The following USH2A variants were observed in gnomAD, a reference collection of about 807,000 sequenced individuals.
USH2A encodes Usher syndrome 2A (autosomal recessive, mild).
In USH2A, 443 loss-of-function variants were observed where a neutral mutation model predicts 538.9. That is an observed-to-expected ratio of 0.82 (90% confidence interval 0.76 to 0.89). The LOEUF is 0.89. Ranked by LOEUF, USH2A falls within the 40% of genes least tolerant of loss-of-function variation. USH2A has a pLI of 0.00. For synonymous variants in USH2A, 2,413 were observed against 2,273.5 expected, an observed-to-expected ratio of 1.06 and a Z score of -1.75; for missense variants, 6,633 against 6,324.8, an observed-to-expected ratio of 1.05 and a Z score of -1.65.
chr1:216,048,563 T>G lies in USH2A; in HGVS notation c.6134A>C (p.His2045Pro), dbSNP rs111033514. ...CTLAGCTESS[H>P]ALNISTPQEA... ...TTGTGGAGTAGAGATGTTCAATGCATGTGAGCTCTCAGTACAGCCAGCCAA... is the reference window on the plus strand; with the variant it reads ...TTGTGGAGTAGAGATGTTCAATGCAGGTGAGCTCTCAGTACAGCCAGCCAA... The change falls in exon 31 of 72, where the codon CAT (histidine) becomes CCT (proline). Residue 2045 changes from histidine (H) to proline (P), a missense_variant. Physicochemically the swap from His to Pro is moderately conservative, Grantham distance 77. Coordinates refer to ENST00000307340, the MANE Select transcript of USH2A (RefSeq NM_206933.4). 2 of 1,613,990 alleles carry G rather than the reference T, an allele frequency of 1.2e-6. No individual in the cohort carries two copies. Among genetic ancestry groups the G allele is most frequent in the African/African-American group, 1.3e-5 (1 of 74,918 alleles).
intron 20 of USH2A, among the ~76,000 whole-genome samples, chr1:216,185,327 G>GA (rs1184626925): frequency 1.3e-5 from 2 of 151,748 alleles, no homozygotes; most frequent in African/African-American, 4.8e-5. Context: ...ATATTTAATT[G>GA]AAAAAATGTT....
At chr1:216,095,308 A>C (rs554886050) in intron 22 of USH2A, among the ~76,000 whole-genome samples, 21 of 152,172 alleles carry the variant, frequency 1.4e-4, no homozygotes, top group African/African-American at 4.3e-4. Context: ...CTTCAACTTA[A>C]TCTTCTGACC....
chr1:215,644,309 T>A (rs1656780225), intron 67 of USH2A, among the ~76,000 whole-genome samples: 1 of 152,072 alleles, frequency 6.6e-6, no homozygotes, highest in African/African-American at 2.4e-5. Flanking sequence ...TATGAGAAAT[T>A]CAGAGGGAGA....
At chr1:215,627,445 C>CT (rs1656087667) in intron 71 of USH2A, among the ~76,000 whole-genome samples, 1 of 78,714 alleles carries the variant, frequency 1.3e-5, no homozygotes, top group Admixed American at 1.4e-4. Context: ...TCCTTCCTTC[C>CT]TTCCTTCCTT....
intron 71 of USH2A, among the ~76,000 whole-genome samples, chr1:215,628,358 C>T (rs754387737): frequency 2.3e-4 from 35 of 152,124 alleles, no homozygotes; most frequent in Non-Finnish European, 4.7e-4. Flanking sequence ...TCTCGGCTCA[C>T]TGCAACCTCC....
chr1:215,895,219 ACT>A (rs775038153), intron 40 of USH2A, among the ~76,000 whole-genome samples: 1 of 152,144 alleles, frequency 6.6e-6, no homozygotes, highest in Non-Finnish European at 1.5e-5. Context: ...CTTCAATCAA[ACT>A]CTGCTTTTAA....
chr1:215,907,118 T>C (rs1665659279), intron 38 of USH2A, among the ~76,000 whole-genome samples: 1 of 151,924 alleles, frequency 6.6e-6, no homozygotes, highest in South Asian at 2.1e-4. Flanking sequence ...ATTGTATGGG[T>C]TCTACAAAAC....
At chr1:216,038,647 G>T (rs12025483) in intron 32 of USH2A, among the ~76,000 whole-genome samples, 9,609 of 151,898 alleles carry the variant, frequency 0.063, 408 homozygotes, top group South Asian at 0.09. Flanking sequence ...TCTTGTTTTG[G>T]GTACAGATTC....
At chr1:216,219,775 G>C (rs900085489) in intron 14 of USH2A, among the ~76,000 whole-genome samples, 2 of 152,146 alleles carry the variant, frequency 1.3e-5, no homozygotes, top group Non-Finnish European at 2.9e-5. Flanking sequence ...GGAAAACCTC[G>C]CTTGCTAAAT....
chr1:215,799,153 T>C (rs770222129), intron 49 of USH2A, 28 bp from the exon 50 acceptor site: 3 of 1,594,146 alleles, frequency 1.9e-6, no homozygotes, highest in South Asian at 2.2e-5. Flanking sequence ...TAATAATCAT[T>C]ACATCAGTTA....
In USH2A at chr1:216,256,883, C is replaced by A. The variant is rs193177570; in HGVS notation, c.1972-5785G>T. Among the ~76,000 whole-genome samples the A allele has an allele frequency of 3.2e-3, 488 of 152,026 alleles. 2 individuals carry two copies. Among genetic ancestry groups the A allele is most frequent in the African/African-American group, 0.011 (463 of 41,534 alleles). On this transcript the variant is annotated intron_variant, in intron 11 of 71. Coordinates refer to ENST00000307340, the MANE Select transcript of USH2A (RefSeq NM_206933.4). ...AAGCTTTTGGAGAGTCAAAATTAAA[C>A]TTGAATTTTTGACTGTGCAGGGAAT...
At chr1:216,102,568 G>A (rs1469488629) in intron 21 of USH2A, among the ~76,000 whole-genome samples, 2 of 152,122 alleles carry the variant, frequency 1.3e-5, no homozygotes, top group African/African-American at 4.8e-5. Flanking sequence ...GGGAGGCCGA[G>A]GCAGGCGGAT....
At position 216,000,408 on chromosome 1, in the gene USH2A, G is replaced by A. The variant is rs763185895; in HGVS notation, c.6480C>T (p.His2160=). ...GAGACAACATTTCTACTTACTGTATGTGTATAGTTCTAGAATCCAGGACAG... is the reference window on the plus strand; with the variant it reads ...GAGACAACATTTCTACTTACTGTATATGTATAGTTCTAGAATCCAGGACAG... ...VLTVLDSRTI[H]IQWKQPRKIS... Residue 2160 remains histidine (H), a synonymous_variant, in exon 33 of 72, where the codon CAC becomes CAT. Coordinates refer to ENST00000307340, the MANE Select transcript of USH2A (RefSeq NM_206933.4). 6 of 1,613,376 alleles carry A rather than the reference G, an allele frequency of 3.7e-6. No homozygotes were observed. The highest frequency in any genetic ancestry group is 5.1e-6 in the Non-Finnish European group (6 of 1,179,608).
At chr1:216,184,348 T>G (rs2034552673) in intron 20 of USH2A, among the ~76,000 whole-genome samples, 1 of 151,950 alleles carries the variant, frequency 6.6e-6, no homozygotes. Flanking sequence ...GGCAGCAGCC[T>G]CAGATTCATG....
intron 61 of USH2A, among the ~76,000 whole-genome samples, chr1:215,695,991 C>T (rs551560976): frequency 5.1e-4 from 78 of 152,038 alleles, no homozygotes; most frequent in African/African-American, 1.8e-3. Flanking sequence ...ACAGGTGATC[C>T]GCCTGTCTCA....
At chr1:215,921,905 G>A (rs1159406986) in intron 38 of USH2A, among the ~76,000 whole-genome samples, 3 of 152,016 alleles carry the variant, frequency 2.0e-5, no homozygotes, top group Non-Finnish European at 4.4e-5. Flanking sequence ...CTTGGTATGA[G>A]TGATCACAAC....
chr1:215,752,926 A>G (rs1038860778), intron 58 of USH2A, among the ~76,000 whole-genome samples: 1 of 152,238 alleles, frequency 6.6e-6, no homozygotes, highest in South Asian at 2.1e-4. Flanking sequence ...CAAAGGGCTA[A>G]TATCTAGAAT....
rs2034353483 is a variant in USH2A at position 216,175,270 on chromosome 1, C to T, written c.4609G>A (p.Val1537Ile). The change falls in exon 21 of 72, where the codon GTC becomes ATC. Residue 1537 changes from valine to isoleucine, a missense_variant. By Grantham distance (29) the Val-to-Ile change is conservative. Transcript: ENST00000307340. ...CACTTACCAGTGAAGTCTGTATTGACTGGGTGAGTGGAGCTGGGAAATTTA... is the reference window on the plus strand; with the variant it reads ...CACTTACCAGTGAAGTCTGTATTGATTGGGTGAGTGGAGCTGGGAAATTTA... ...YCKFPSSTHP[V>I]NTDFTGIKAS... 6.2e-7 allele frequency: 1 copy of T among 1,613,564 alleles called. No homozygotes were observed. Among genetic ancestry groups the T allele is most frequent in the African/African-American group, 1.3e-5 (1 of 74,920 alleles).
chr1:215,973,656 CTT>C (rs750306238), intron 35 of USH2A, among the ~76,000 whole-genome samples: 2,638 of 130,822 alleles, frequency 0.02, 32 homozygotes, highest in African/African-American at 0.067. Context: ...TCTTCTTCTT[CTT>C]TTTTTTTTTT....
Sources: gnomAD v4.1 joint callset for allele counts (sites outside exome capture counted in the v4.1 genomes callset) on GRCh38, gnomAD v4.1.1 for gene constraint, MANE v1.5 for transcripts, NCBI Gene and HGNC (gene_info 2026-07-23, HGNC 2026-07-21) for gene names.